Variants in NTN1 observed in about 807,000 individuals in gnomAD.
NTN1 encodes netrin 1, also known as netrin-1.
Under a neutral mutation model 54.2 loss-of-function variants are expected in NTN1, and 11 were observed. The observed-to-expected ratio is 0.20, with a 90% CI of 0.13 to 0.34. NTN1 has a LOEUF of 0.34. Ranked by LOEUF, NTN1 falls within the 10% of genes least tolerant of loss-of-function variation. The pLI is 1.00. For synonymous variants in NTN1, 371 were observed against 382.0 expected (o/e 0.97, Z 0.33); for missense variants, 740 against 893.1 (o/e 0.83, Z 2.18).
At chr17:9,025,061 GTGC>G (rs1456512965) in intron 2 of NTN1, among the ~76,000 whole-genome samples, 6 of 152,118 alleles carry the variant, frequency 3.9e-5, no homozygotes, top group Non-Finnish European at 5.9e-5. Context: ...TAGTTTGTAT[GTGC>G]ATATGAAAGA....
chr17:9,210,348 A>G (rs1012521180), intron 5 of NTN1, among the ~76,000 whole-genome samples: 4 of 151,964 alleles, frequency 2.6e-5, no homozygotes, highest in Non-Finnish European at 5.9e-5. Flanking sequence ...CCTCACTCCC[A>G]GCCACCTTAC....
At position 9,217,308 on chromosome 17, in the gene NTN1, C is replaced by T. The variant is rs1262563394; in HGVS notation, c.1412-3860C>T. 2.0e-5 allele frequency among the ~76,000 whole-genome samples: 3 copies of T among 152,182 alleles called. No homozygotes were observed. In the East Asian group the frequency reaches 5.8e-4, roughly 29 times the overall value. On this transcript the variant is annotated intron_variant, in intron 5 of 6. Coordinates refer to ENST00000173229, the MANE Select transcript of NTN1 (RefSeq NM_004822.3). Reference sequence around the variant, plus strand: ...GTCCACCACCATCTGCCTTTAATTACTAGAGATTGCTCCCAGATCCCAGCG... The same window carrying T: ...GTCCACCACCATCTGCCTTTAATTATTAGAGATTGCTCCCAGATCCCAGCG...
chr17:9,126,246 C>T (rs548531599), intron 2 of NTN1, among the ~76,000 whole-genome samples: 12 of 152,368 alleles, frequency 7.9e-5, no homozygotes, highest in Admixed American at 5.9e-4. Context: ...TGATGGCTCA[C>T]GCCTGTAATC....
At chr17:9,019,525 C>A (rs7212120), upstream of NTN1, among the ~76,000 whole-genome samples, 110,428 of 152,200 alleles carry the variant, frequency 0.73, 40,295 homozygotes, top group African/African-American at 0.75. Context: ...ATGAGAAAGC[C>A]TATTTATATG....
chr17:9,118,791 A>G (rs2092223213), intron 2 of NTN1, among the ~76,000 whole-genome samples: 1 of 152,204 alleles, frequency 6.6e-6, no homozygotes, highest in African/African-American at 2.4e-5. Flanking sequence ...AATACTCTCT[A>G]GGTCTATCCA....
intron 5 of NTN1, among the ~76,000 whole-genome samples, chr17:9,200,845 T>C (rs1452258062): frequency 1.3e-5 from 2 of 152,178 alleles, no homozygotes; most frequent in East Asian, 3.9e-4. Flanking sequence ...CTAATTCAGA[T>C]TGTTAATTGT....
intron 2 of NTN1, among the ~76,000 whole-genome samples, chr17:9,119,885 T>C (rs1164680567): frequency 6.6e-6 from 1 of 152,178 alleles, no homozygotes; most frequent in Non-Finnish European, 1.5e-5. Flanking sequence ...GCTAATGATG[T>C]TGAGCATCTT....
chr17:9,052,826 T>G (rs1349629092), intron 2 of NTN1, among the ~76,000 whole-genome samples: 1 of 152,156 alleles, frequency 6.6e-6, no homozygotes, highest in Non-Finnish European at 1.5e-5. Flanking sequence ...CACTTGTGTA[T>G]CCAAACAAAA....
At chr17:9,155,363 A>G (rs1386439655) in intron 2 of NTN1, among the ~76,000 whole-genome samples, 1 of 137,218 alleles carries the variant, frequency 7.3e-6, no homozygotes, top group Admixed American at 7.5e-5. Flanking sequence ...TTTTTTTGAG[A>G]CGAGTTTTGC....
chr17:9,163,070 C>T (rs1319127087), intron 3 of NTN1, 69 bp downstream of exon 3: 14 of 1,451,276 alleles, frequency 9.6e-6, no homozygotes, highest in Non-Finnish European at 1.3e-5. Flanking sequence ...GCTCCCTCCT[C>T]GCTTCCTTTT....
intron 1 of NTN1, among the ~76,000 whole-genome samples, 177 bp from the exon 2 acceptor site, chr17:9,022,134 G>A (rs1303994115): frequency 6.6e-6 from 1 of 152,182 alleles, no homozygotes; most frequent in East Asian, 1.9e-4. Flanking sequence ...CGAGCGGTGC[G>A]GACTTGGAGG....
chr17:9,117,281 A>G lies in NTN1; in HGVS notation c.1019-45532A>G, dbSNP rs191581447. Among the ~76,000 whole-genome samples, 905 of 152,282 alleles carry G rather than the reference A, an allele frequency of 5.9e-3. 4 individuals carry two copies. Among genetic ancestry groups the G allele is most frequent in the Non-Finnish European group, 9.3e-3 (632 of 68,002 alleles). On this transcript the variant is annotated intron_variant, in intron 2 of 6. Coordinates refer to ENST00000173229, the MANE Select transcript of NTN1 (RefSeq NM_004822.3). The stretch of plus-strand genomic sequence containing the variant: ...CCTGGTGGCAGGGGCCACAGACTGG[A>G]GGGAGGATGGCAGAGGACACTCTGC...
chr17:9,056,359 G>A (rs2091979534), intron 2 of NTN1, among the ~76,000 whole-genome samples: 1 of 152,184 alleles, frequency 6.6e-6, no homozygotes, highest in African/African-American at 2.4e-5. Context: ...GCCCGGCTGA[G>A]TGCCGCCATC....
intron 2 of NTN1, among the ~76,000 whole-genome samples, chr17:9,032,607 G>C (rs2091891354): frequency 1.3e-5 from 2 of 152,302 alleles, no homozygotes; most frequent in Admixed American, 6.5e-5. Context: ...TGCCGAACAA[G>C]AATAGTTCCA....
Position 9,212,259 on chromosome 17 carries a change from G to T in NTN1, c.1412-8909G>T, listed in dbSNP as rs1018983017. ...AGAAGGTGGTCTTACCTGGGGCAGG[G>T]TGGGGCAAGTCACGAAGTCACCTGC... On this transcript the variant is annotated intron_variant, in intron 5 of 6. Transcript: ENST00000173229. The surrounding 1 kb of genome is among the most constrained non-coding windows in gnomAD (Gnocchi z 5.5). Among the ~76,000 whole-genome samples, 1 of 152,160 alleles carries T rather than the reference G, an allele frequency of 6.6e-6. No individual in the cohort carries two copies. The highest frequency in any genetic ancestry group is 2.1e-4 in the South Asian group (1 of 4,812).
At chr17:9,032,340 C>T (rs1463243513) in intron 2 of NTN1, among the ~76,000 whole-genome samples, 1 of 152,226 alleles carries the variant, frequency 6.6e-6, no homozygotes, top group African/African-American at 2.4e-5. Context: ...AATGTCCGCC[C>T]CGACGTTTCT....
chr17:9,005,380 G>A, the NTN1 span, among the ~76,000 whole-genome samples: 1 of 152,028 alleles, frequency 6.6e-6, no homozygotes, highest in Non-Finnish European at 1.5e-5. Context: ...GGCAAACAGT[G>A]AATCTCGGAC....
chr17:9,192,283 T>A (rs2142328770), intron 5 of NTN1, among the ~76,000 whole-genome samples: 1 of 152,306 alleles, frequency 6.6e-6, no homozygotes, highest in East Asian at 1.9e-4. Flanking sequence ...TGTCTTTGAG[T>A]ACAGCTTGAG....
chr17:9,143,347 G>A (rs1418057082), intron 2 of NTN1, among the ~76,000 whole-genome samples: 1 of 152,236 alleles, frequency 6.6e-6, no homozygotes, highest in Non-Finnish European at 1.5e-5. Flanking sequence ...TGAGCCCTGG[G>A]TGGGGAAAGG....
Sources: allele counts gnomAD v4.1 joint callset (sites outside exome capture counted in the v4.1 genomes callset), GRCh38; gene constraint gnomAD v4.1.1; non-coding constraint Gnocchi (gnomAD v3.1); transcripts MANE v1.5; gene names NCBI Gene and HGNC (gene_info 2026-07-23, HGNC 2026-07-21).